The following PDZD2 variants were observed in gnomAD, a reference collection of about 807,000 sequenced individuals.
The protein encoded by PDZD2 is PDZ domain-containing protein 2.
In PDZD2, 90 loss-of-function variants were observed where a neutral mutation model predicts 220.7. That is an observed-to-expected ratio of 0.41 (90% confidence interval 0.34 to 0.49). PDZD2 has a LOEUF of 0.49. Among genes scored for constraint, PDZD2 ranks in the 20% least tolerant of loss-of-function variants. The pLI, the probability that PDZD2 is intolerant of heterozygous loss-of-function variation, is 0.28. For synonymous variants in PDZD2, 1,375 were observed against 1,450.5 expected (o/e 0.95, Z 1.18); for missense variants, 3,174 against 3,608.5 (o/e 0.88, Z 3.08).
At chr5:31,823,205 G>T (rs1045637802) in intron 2 of PDZD2, 3 of 351,130 alleles carry the variant, frequency 8.5e-6, no homozygotes, top group Non-Finnish European at 1.6e-5. Context: ...TGTGGCTCAC[G>T]CCTGTAATCC....
chr5:31,927,182 C>T (rs575918691), intron 2 of PDZD2, among the ~76,000 whole-genome samples: 1 of 152,102 alleles, frequency 6.6e-6, no homozygotes, highest in Non-Finnish European at 1.5e-5. Context: ...CCCAGGTAAC[C>T]AACCGGCATA....
At chr5:32,004,318 G>A (rs1752640641) in intron 5 of PDZD2, among the ~76,000 whole-genome samples, 1 of 152,166 alleles carries the variant, frequency 6.6e-6, no homozygotes, top group Non-Finnish European at 1.5e-5. Context: ...TGGGCATGGT[G>A]GCTCATGCCT....
intron 1 of PDZD2, chr5:31,747,825 A>T (rs1386754587): frequency 6.5e-6 from 1 of 152,762 alleles, no homozygotes; most frequent in Non-Finnish European, 1.5e-5. Flanking sequence ...CCAGCCCCAT[A>T]ATCCTGCCCC....
At chr5:32,060,240 A>G (rs1305047420) in intron 13 of PDZD2, among the ~76,000 whole-genome samples, 3 of 144,734 alleles carry the variant, frequency 2.1e-5, no homozygotes, top group Non-Finnish European at 2.9e-5. Context: ...GAACCCAAGG[A>G]AAAAAATCCT....
At chr5:31,648,580 T>C (rs531602899) in intron 1 of PDZD2, among the ~76,000 whole-genome samples, 1 of 152,260 alleles carries the variant, frequency 6.6e-6, no homozygotes, top group East Asian at 1.9e-4. Context: ...CCTGGACCCA[T>C]GCTGCAGTCA....
At chr5:31,662,061 A>C (rs998537480) in intron 1 of PDZD2, among the ~76,000 whole-genome samples, 2 of 152,114 alleles carry the variant, frequency 1.3e-5, no homozygotes, top group African/African-American at 4.8e-5. Flanking sequence ...CTATAATCCT[A>C]GCACTTTAGG....
In PDZD2 at chr5:32,104,621, G is replaced by C. The variant is rs959040148; in HGVS notation, c.8354-3348G>C. On this transcript the variant is annotated intron_variant, in intron 24 of 24. Coordinates refer to ENST00000438447, the MANE Select transcript of PDZD2 (RefSeq NM_178140.4). ...TGTAATCCCAGCTACTCAGGAGGCTGAGGCAGGAGAGTCACTTGAACCCAG... is the reference window on the plus strand; with the variant it reads ...TGTAATCCCAGCTACTCAGGAGGCTCAGGCAGGAGAGTCACTTGAACCCAG... 8.5e-4 allele frequency among the ~76,000 whole-genome samples: 126 copies of C among 147,696 alleles called. 1 individual carries two copies. Among genetic ancestry groups the C allele is most frequent in the African/African-American group, 3.1e-3 (124 of 40,342 alleles).
chr5:31,843,719 C>G (rs1453844656), intron 2 of PDZD2: 4 of 152,266 alleles, frequency 2.6e-5, no homozygotes, highest in Admixed American at 6.5e-5. Flanking sequence ...AGGGTCACAG[C>G]TCCCCTTCAT....
At chr5:31,765,862 A>C (rs1188364724) in intron 1 of PDZD2, among the ~76,000 whole-genome samples, 2 of 152,154 alleles carry the variant, frequency 1.3e-5, no homozygotes, top group African/African-American at 4.8e-5. Flanking sequence ...TGCTGCTTAG[A>C]TTTTAAAATG....
intron 1 of PDZD2, among the ~76,000 whole-genome samples, chr5:31,684,202 T>C (rs35498664): frequency 0.29 from 44,443 of 152,146 alleles, 7,149 homozygotes; most frequent in Non-Finnish European, 0.36. Flanking sequence ...CAGTCCTACT[T>C]GGGTGTCTGA....
In PDZD2 at chr5:31,983,325, CCA is replaced by C; in HGVS notation, c.648_649del (p.Arg217LysfsTer15). 6.2e-7 allele frequency: 1 copy of C among 1,614,218 alleles called. No individual in the cohort carries two copies. The highest frequency in any genetic ancestry group is 8.5e-7 in the Non-Finnish European group (1 of 1,180,044). ...CGAACTGCGAAAAAGGGGAAACGAACCAGAAAGTTTGGGGTCATCTCCAGGCC... is the reference window on the plus strand; with the variant it reads ...CGAACTGCGAAAAAGGGGAAACGAACGAAAGTTTGGGGTCATCTCCAGGCC... On this transcript the variant is annotated frameshift_variant, in exon 3 of 25. Transcript: ENST00000438447. LOFTEE classifies it high-confidence loss of function.
In PDZD2 at chr5:31,752,073, G is replaced by GTTT. The variant is rs3032803; in HGVS notation, c.-360-46801_-360-46799dup. ...TTGTTTGTTTTATTGTTTTGGGTTT[G>GTTT]TTTTTTTTTTTTTTTTTCTGAGACA... On this transcript the variant is annotated intron_variant, in intron 1 of 24. Transcript: ENST00000438447. 2.5e-4 allele frequency among the ~76,000 whole-genome samples: 24 copies of GTTT among 95,066 alleles called. 1 individual carries two copies. Among genetic ancestry groups the GTTT allele is most frequent in the African/African-American group, 8.8e-4 (21 of 23,916 alleles). The allele number at this position is 95,066 out of a possible 152,430, so 62.4% of individuals were successfully genotyped here.
chr5:31,810,923 A>G (rs928565943), intron 2 of PDZD2, among the ~76,000 whole-genome samples: 4 of 152,244 alleles, frequency 2.6e-5, no homozygotes, highest in African/African-American at 7.2e-5. Context: ...TCTTTCTCCA[A>G]AGATTTTGAG....
intron 14 of PDZD2, among the ~76,000 whole-genome samples, chr5:32,067,088 A>G (rs377654235): frequency 4.6e-5 from 7 of 152,322 alleles, no homozygotes; most frequent in African/African-American, 1.4e-4. Flanking sequence ...TTTCATGCCA[A>G]TGGTACATTT....
chr5:31,951,382 G>A (rs1333531586), intron 2 of PDZD2, among the ~76,000 whole-genome samples: 1 of 152,130 alleles, frequency 6.6e-6, no homozygotes, highest in Non-Finnish European at 1.5e-5. Context: ...GGCTTCTTAT[G>A]TAAGGGTTCT....
At chr5:31,839,763 T>C (rs1298231257) in intron 2 of PDZD2, among the ~76,000 whole-genome samples, 3 of 152,268 alleles carry the variant, frequency 2.0e-5, no homozygotes, top group Non-Finnish European at 4.4e-5. Flanking sequence ...AGGGACCTGG[T>C]TGGAGGTAAT....
chr5:31,808,484 G>A (rs990437744), intron 2 of PDZD2, among the ~76,000 whole-genome samples: 6 of 152,096 alleles, frequency 3.9e-5, no homozygotes, highest in African/African-American at 9.7e-5. Context: ...CTGTCTCCAC[G>A]TGCTGTTTCA....
chr5:31,689,358 T>A lies in PDZD2; in HGVS notation c.-361+49921T>A, dbSNP rs1472146925. 1.8e-3 allele frequency among the ~76,000 whole-genome samples: 211 copies of A among 117,582 alleles called. 2 individuals are homozygous for A. Among genetic ancestry groups the A allele is most frequent in the African/African-American group, 5.2e-3 (148 of 28,290 alleles). The allele number at this position is 117,582 out of a possible 152,430, so 77.1% of individuals were successfully genotyped here. A position where few individuals can be genotyped will look rare whatever the true frequency, so the allele number is the denominator to read the frequency against. On this transcript the variant is annotated intron_variant, in intron 1 of 24. Coordinates refer to ENST00000438447, the MANE Select transcript of PDZD2 (RefSeq NM_178140.4). Reference sequence around the variant, plus strand: ...ATACATATATATATATATATATTTTTTTTTTTTTTTTTTTTAAGTCGAGAC... The same window carrying A: ...ATACATATATATATATATATATTTTATTTTTTTTTTTTTTTAAGTCGAGAC...
chr5:31,967,153 G>A (rs565220184), intron 2 of PDZD2, among the ~76,000 whole-genome samples: 6 of 152,330 alleles, frequency 3.9e-5, no homozygotes, highest in East Asian at 1.9e-4. Flanking sequence ...TGGAGCGGAC[G>A]CTGGGAAGAA....
Sources: gnomAD v4.1 joint callset for allele counts (sites outside exome capture counted in the v4.1 genomes callset) on GRCh38, gnomAD v4.1.1 for gene constraint, MANE v1.5 for transcripts, NCBI Gene and HGNC (gene_info 2026-07-23, HGNC 2026-07-21) for gene names.